RNGTT: variants seen among roughly 807,000 people sequenced by gnomAD.
The protein encoded by RNGTT is mRNA-capping enzyme.
A neutral mutation model predicts 79.3 loss-of-function variants in RNGTT; 33 were observed. That is an observed-to-expected ratio of 0.42 (90% CI 0.32 to 0.56). The LOEUF (loss-of-function observed/expected upper bound fraction) is 0.56. Among genes scored for constraint, RNGTT ranks in the 20% least tolerant of loss-of-function variants. The probability of loss-of-function intolerance (pLI) is 0.17; values close to 1 mark genes in which losing one functional copy is unlikely to be tolerated. For synonymous variants in RNGTT, 222 were observed against 235.9 expected (o/e 0.94, Z 0.54); for missense variants, 497 against 739.1 (o/e 0.67, Z 3.80).
At chr6:88,943,438 C>T (rs1784912297) in intron 1 of RNGTT, among the ~76,000 whole-genome samples, 1 of 152,164 alleles carries the variant, frequency 6.6e-6, no homozygotes, top group African/African-American at 2.4e-5. Flanking sequence ...AATCTGACCA[C>T]TTCTCACCAC....
At chr6:88,746,761 T>A (rs1338786768) in intron 13 of RNGTT, among the ~76,000 whole-genome samples, 3 of 152,176 alleles carry the variant, frequency 2.0e-5, no homozygotes, top group Non-Finnish European at 4.4e-5. Context: ...TGGTCTGGCC[T>A]GGGGGTTGGG....
chr6:88,653,043 T>C (rs1315213935), intron 14 of RNGTT, among the ~76,000 whole-genome samples: 1 of 152,212 alleles, frequency 6.6e-6, no homozygotes, highest in East Asian at 1.9e-4. Flanking sequence ...ACTTCAGCAA[T>C]AGGGATTTTT....
intron 11 of RNGTT, among the ~76,000 whole-genome samples, chr6:88,813,718 C>G (rs942242962): frequency 1.3e-5 from 2 of 152,108 alleles, no homozygotes; most frequent in African/African-American, 4.8e-5. Context: ...AGCTGCTATT[C>G]TAAACTAGAG....
chr6:88,908,438 T>TG (rs1443993151), intron 4 of RNGTT, among the ~76,000 whole-genome samples: 1 of 152,134 alleles, frequency 6.6e-6, no homozygotes, highest in African/African-American at 2.4e-5. Context: ...CCTGCAACTT[T>TG]GAACAGATCT....
intron 14 of RNGTT, among the ~76,000 whole-genome samples, chr6:88,628,260 A>G (rs1772711904): frequency 6.6e-6 from 1 of 152,142 alleles, no homozygotes; most frequent in Non-Finnish European, 1.5e-5. Flanking sequence ...TATCTGCATC[A>G]AGTATCACAT....
At chr6:88,914,973 C>A (rs934318272) in intron 4 of RNGTT, among the ~76,000 whole-genome samples, 12 of 152,050 alleles carry the variant, frequency 7.9e-5, no homozygotes, top group Non-Finnish European at 1.6e-4. Flanking sequence ...CATGAACAGA[C>A]AGTTATCAAA....
chr6:88,890,053 C>T (rs1227254235), intron 8 of RNGTT, among the ~76,000 whole-genome samples: 2 of 151,824 alleles, frequency 1.3e-5, no homozygotes, highest in African/African-American at 4.8e-5. Flanking sequence ...AACAACCTTG[C>T]GAGTATATAA....
rs1414553817 is a variant in RNGTT, at chr6:88,716,324, C to T, written c.1440-37905G>A. On this transcript the variant is annotated intron_variant, in intron 13 of 15. Coordinates refer to ENST00000369485, the MANE Select transcript of RNGTT (RefSeq NM_003800.5). ...TTAAAAAGTCAGGAAACAACAGGTG[C>T]TGGAGAGGATGTGGAGAAATAGGAA... Among the ~76,000 whole-genome samples, 13 of 152,006 alleles carry T rather than the reference C, an allele frequency of 8.6e-5. No individual in the cohort carries two copies. In the South Asian group the frequency reaches 1.0e-3, roughly 12 times the overall value.
At chr6:88,956,406 T>C (rs1007895764) in intron 1 of RNGTT, among the ~76,000 whole-genome samples, 9 of 151,926 alleles carry the variant, frequency 5.9e-5, no homozygotes, top group Non-Finnish European at 1.3e-4. Flanking sequence ...ATTAATTAAA[T>C]TAAAATTTAA....
At chr6:88,785,423 G>A (rs1722617588) in intron 12 of RNGTT, among the ~76,000 whole-genome samples, 2 of 151,844 alleles carry the variant, frequency 1.3e-5, no homozygotes, top group Non-Finnish European at 2.9e-5. Flanking sequence ...TGAAAATGAT[G>A]TTTTGCTTTT....
chr6:88,916,755 CA>C (rs1276353951), intron 4 of RNGTT, among the ~76,000 whole-genome samples: 1 of 151,974 alleles, frequency 6.6e-6, no homozygotes, highest in East Asian at 1.9e-4. Flanking sequence ...GAGTTCTTTC[CA>C]AAAAAATTTT....
intron 1 of RNGTT, among the ~76,000 whole-genome samples, chr6:88,962,641 C>T (rs1052961165): frequency 3.3e-5 from 5 of 151,920 alleles, no homozygotes; most frequent in Non-Finnish European, 7.4e-5. Context: ...TGTGGTGGCA[C>T]GCGCCTGTAA....
intron 12 of RNGTT, among the ~76,000 whole-genome samples, chr6:88,784,807 G>A (rs1234062789): frequency 5.3e-5 from 8 of 151,966 alleles, no homozygotes; most frequent in African/African-American, 1.2e-4. Context: ...AAATCAGAGC[G>A]CTAACAAAAT....
chr6:88,933,783 T>C (rs1323614054), intron 2 of RNGTT, among the ~76,000 whole-genome samples: 2 of 152,218 alleles, frequency 1.3e-5, no homozygotes, highest in Admixed American at 1.3e-4. Context: ...TTCCATTGTG[T>C]ATATATGCCA....
chr6:88,908,519 G>A (rs190647658), intron 4 of RNGTT, among the ~76,000 whole-genome samples: 40 of 152,246 alleles, frequency 2.6e-4, no homozygotes, highest in African/African-American at 8.9e-4. Flanking sequence ...AAGAAGCGAC[G>A]TAGACTGCTT....
intron 13 of RNGTT, among the ~76,000 whole-genome samples, chr6:88,689,561 T>A (rs1360327417): frequency 6.2e-5 from 9 of 144,692 alleles, no homozygotes; most frequent in Non-Finnish European, 1.2e-4. Context: ...GCCATTGCAC[T>A]CCAGCCTGGG....
chr6:88,929,285 T>G lies in RNGTT; in HGVS notation c.175-18A>C, dbSNP rs1442309256. On this transcript the variant is annotated intron_variant, in intron 2 of 15. Coordinates refer to ENST00000369485, the MANE Select transcript of RNGTT (RefSeq NM_003800.5). Reference sequence around the variant, plus strand: ...ATTTTAACCTAAAAAAAAAAAAAAATGAAAGGGCAAATTTACTAGTAACTT... The same window carrying G: ...ATTTTAACCTAAAAAAAAAAAAAAAGGAAAGGGCAAATTTACTAGTAACTT... 6 of 1,191,788 alleles carry G rather than the reference T, an allele frequency of 5.0e-6. No homozygotes were observed. Among genetic ancestry groups the G allele is most frequent in the Non-Finnish European group, 7.3e-6 (6 of 822,744 alleles). The allele number at this position is 1,191,788 out of a possible 1,614,324, so 73.8% of individuals were successfully genotyped here. A position where few individuals can be genotyped will look rare whatever the true frequency, so the allele number is the denominator to read the frequency against.
chr6:88,907,105 A>C (rs766623583), intron 4 of RNGTT, among the ~76,000 whole-genome samples: 1 of 152,350 alleles, frequency 6.6e-6, no homozygotes, highest in African/African-American at 2.4e-5. Context: ...TTTCTAAATA[A>C]ATTTTTAAAA....
intron 9 of RNGTT, among the ~76,000 whole-genome samples, chr6:88,850,265 T>C (rs1298509684): frequency 6.6e-6 from 1 of 152,006 alleles, no homozygotes. Flanking sequence ...ATCCTCATTA[T>C]AGATTTAATT....
Sources: allele counts gnomAD v4.1 joint callset (sites outside exome capture counted in the v4.1 genomes callset), GRCh38; gene constraint gnomAD v4.1.1; transcripts MANE v1.5; gene names NCBI Gene and HGNC (gene_info 2026-07-23, HGNC 2026-07-21).